The following PTPN13 variants were observed in gnomAD, a reference collection of about 807,000 sequenced individuals.
PTPN13 encodes the protein tyrosine-protein phosphatase non-receptor type 13.
Under a neutral mutation model 284.0 loss-of-function variants are expected in PTPN13, and 191 were observed. The ratio of observed to expected loss-of-function variants is 0.67; its 90% CI spans 0.60 to 0.76. The LOEUF is 0.76. Among genes scored for constraint, PTPN13 ranks in the 30% least tolerant of loss-of-function variants. PTPN13 has a pLI of 0.00. For synonymous variants in PTPN13, 986 were observed against 1,022.3 expected, an observed-to-expected ratio of 0.96 and a Z score of 0.68; for missense variants, 2,797 against 2,939.9, an observed-to-expected ratio of 0.95 and a Z score of 1.12.
chr4:86,756,649 A>G (rs1308420125), intron 20 of PTPN13, among the ~76,000 whole-genome samples: 1 of 152,144 alleles, frequency 6.6e-6, no homozygotes, highest in Non-Finnish European at 1.5e-5. Flanking sequence ...AGAGGAAATT[A>G]TTGTTGTTAT....
chr4:86,640,370 A>G (rs1235007786), intron 2 of PTPN13, among the ~76,000 whole-genome samples: 1 of 152,212 alleles, frequency 6.6e-6, no homozygotes, highest in Non-Finnish European at 1.5e-5. Context: ...GCTATACTCC[A>G]AAGGTGTTAT....
At chr4:86,619,613 C>T (rs1431049359) in intron 1 of PTPN13, among the ~76,000 whole-genome samples, 1 of 152,160 alleles carries the variant, frequency 6.6e-6, no homozygotes, top group Non-Finnish European at 1.5e-5. Flanking sequence ...TTCTATATTT[C>T]TAAATGTTTT....
At chr4:86,799,578 C>A (rs892474947) in intron 42 of PTPN13, among the ~76,000 whole-genome samples, 2 of 151,862 alleles carry the variant, frequency 1.3e-5, no homozygotes, top group African/African-American at 4.8e-5. Flanking sequence ...GATCCACCTA[C>A]CTCAGCTTCC....
At chr4:86,720,396 T>C (rs1733520443) in intron 9 of PTPN13, among the ~76,000 whole-genome samples, 1 of 152,156 alleles carries the variant, frequency 6.6e-6, no homozygotes, top group Non-Finnish European at 1.5e-5. Flanking sequence ...AAACTGTCTT[T>C]TTTTTCATAC....
At chr4:86,610,771 T>C (rs1476291322) in intron 1 of PTPN13, among the ~76,000 whole-genome samples, 1 of 152,242 alleles carries the variant, frequency 6.6e-6, no homozygotes, top group Non-Finnish European at 1.5e-5. Flanking sequence ...ATAAAGCCCA[T>C]GGGCCACCAG....
intron 15 of PTPN13, among the ~76,000 whole-genome samples, chr4:86,737,630 A>G (rs1367760148): frequency 4.0e-5 from 6 of 150,314 alleles, no homozygotes; most frequent in Non-Finnish European, 5.9e-5. Flanking sequence ...CTTAGCAACT[A>G]CTGATCTGCT....
At chr4:86,722,070 G>T in intron 9 of PTPN13, 142 bp from the exon 10 acceptor site, 1 of 688,268 alleles carries the variant, frequency 1.5e-6, no homozygotes, top group South Asian at 1.9e-5. Context: ...ATACCATACT[G>T]TGTAATGTAA....
chr4:86,609,597 G>A (rs1462708620), intron 1 of PTPN13, among the ~76,000 whole-genome samples: 4 of 152,110 alleles, frequency 2.6e-5, no homozygotes, highest in East Asian at 3.9e-4. Flanking sequence ...TACAAATAAA[G>A]TATTCATCTT....
At chr4:86,684,992 G>C (rs1247429271) in intron 3 of PTPN13, among the ~76,000 whole-genome samples, 1 of 152,124 alleles carries the variant, frequency 6.6e-6, no homozygotes, top group African/African-American at 2.4e-5. Context: ...ATTCCCATAT[G>C]CTCTGCCATC....
intron 1 of PTPN13, among the ~76,000 whole-genome samples, chr4:86,609,994 G>T (rs1263088502): frequency 6.6e-6 from 1 of 152,084 alleles, no homozygotes; most frequent in East Asian, 1.9e-4. Flanking sequence ...TAAATATGGA[G>T]TTAGTCTTAT....
Position 86,680,347 on chromosome 4 carries a change from CTCTATCTATCTA to C in PTPN13, c.295-6319_295-6308del, listed in dbSNP as rs56694637. On this transcript the variant is annotated intron_variant, in intron 3 of 47. Transcript: ENST00000411767. ...ATGTCACATTTTCCTTTCTATCTAT[CTCTATCTATCTA>C]TCTATCTATCTATCTATCTATCTAT... Among the ~76,000 whole-genome samples the C allele has an allele frequency of 5.5e-3, 791 of 142,650 alleles. 3 individuals are homozygous for C. Among genetic ancestry groups the C allele is most frequent in the South Asian group, 0.013 (55 of 4,206 alleles). 93.6% of individuals were successfully genotyped at this position (142,650 alleles called of 152,430 possible).
chr4:86,784,609 G>C, intron 38 of PTPN13, 51 bp downstream of exon 38: 1 of 1,217,566 alleles, frequency 8.2e-7, no homozygotes. Flanking sequence ...TAATAATTCA[G>C]GTAATTAAAA....
At chr4:86,616,837 A>G (rs774985460) in intron 1 of PTPN13, among the ~76,000 whole-genome samples, 1 of 152,172 alleles carries the variant, frequency 6.6e-6, no homozygotes, top group East Asian at 1.9e-4. Context: ...CTAGCCTCAG[A>G]TATTTCTTTA....
chr4:86,763,301 G>T (rs1262372369), intron 24 of PTPN13, 111 bp downstream of exon 24: 3 of 962,150 alleles, frequency 3.1e-6, no homozygotes, highest in African/African-American at 1.6e-5. Flanking sequence ...CTGGAAAAAA[G>T]AAATAGTTTA....
intron 5 of PTPN13, chr4:86,690,345 T>C (rs1340009763): frequency 6.6e-6 from 1 of 152,228 alleles, no homozygotes; most frequent in Non-Finnish European, 1.5e-5. Context: ...TCAATATTTT[T>C]GTTTTAAAAA....
At chr4:86,789,842 C>CTTTTT (rs34944218) in intron 40 of PTPN13, among the ~76,000 whole-genome samples, 1 of 135,984 alleles carries the variant, frequency 7.4e-6, no homozygotes, top group African/African-American at 2.7e-5. Context: ...ATCACTGTAG[C>CTTTTT]TTTTTTTTTT....
intron 2 of PTPN13, 147 bp from the exon 3 acceptor site, chr4:86,672,218 G>T: frequency 1.8e-6 from 1 of 546,440 alleles, no homozygotes; most frequent in Non-Finnish European, 2.9e-6. Context: ...TTTGTAGCAT[G>T]TTGATTTGGT....
intron 3 of PTPN13, among the ~76,000 whole-genome samples, chr4:86,682,027 T>A (rs1728949836): frequency 6.6e-6 from 1 of 152,252 alleles, no homozygotes; most frequent in African/African-American, 2.4e-5. Context: ...ATGCTAGCTA[T>A]TTATATTCTA....
intron 1 of PTPN13, among the ~76,000 whole-genome samples, chr4:86,617,993 C>T (rs538956657): frequency 6.3e-4 from 96 of 152,104 alleles, no homozygotes; most frequent in Middle Eastern, 3.4e-3. Flanking sequence ...GACATGAAGT[C>T]CTTGCCCATG....
Sources: allele counts gnomAD v4.1 joint callset (sites outside exome capture counted in the v4.1 genomes callset), GRCh38; gene constraint gnomAD v4.1.1; transcripts MANE v1.5; gene names NCBI Gene and HGNC (gene_info 2026-07-23, HGNC 2026-07-21).